The following METTL15 variants were observed in gnomAD, a reference collection of about 807,000 sequenced individuals.
METTL15 encodes 12S rRNA N(4)-cytidine methyltransferase METTL15.
Under a neutral mutation model 38.3 loss-of-function variants are expected in METTL15, and 34 were observed. The observed-to-expected ratio is 0.89, with a 90% CI of 0.68 to 1.18. The LOEUF (loss-of-function observed/expected upper bound fraction) is 1.18. Among genes scored for constraint, METTL15 ranks in the 50% most tolerant of loss-of-function variants. METTL15 has a pLI of 0.00. For missense variants in METTL15, 438 were observed against 498.4 expected (o/e 0.88, Z 1.15); for synonymous variants, 162 against 170.9 (o/e 0.95, Z 0.41).
At chr11:28,135,393 A>T (rs905511618) in intron 3 of METTL15, among the ~76,000 whole-genome samples, 9 of 152,164 alleles carry the variant, frequency 5.9e-5, no homozygotes, top group African/African-American at 1.9e-4. Flanking sequence ...TCAAATACCT[A>T]TGAGTTGGGT....
Position 28,310,878 on chromosome 11 carries a change from ATGCTGC to A in METTL15, c.778+13980_778+13985del, listed in dbSNP as rs878913369. The stretch of plus-strand genomic sequence containing the variant: ...TTTTCATCTTTAAGACCTAGCTTAA[ATGCTGC>A]TGCTGCTGCTGCTGCTGCTGCTGCT... On this transcript the variant is annotated intron_variant, in intron 6 of 6. Coordinates refer to ENST00000407364, the MANE Select transcript of METTL15 (RefSeq NM_001113528.2). 8.7e-4 allele frequency among the ~76,000 whole-genome samples: 56 copies of A among 64,712 alleles called. 1 individual carries two copies. The highest frequency in any genetic ancestry group is 6.8e-3 in the Middle Eastern group (1 of 146). 42.5% of individuals were successfully genotyped at this position (64,712 alleles called of 152,430 possible).
At chr11:28,491,767 C>A (rs763625643) in intron 6 of METTL15, among the ~76,000 whole-genome samples, 6 of 151,916 alleles carry the variant, frequency 3.9e-5, no homozygotes, top group Non-Finnish European at 5.9e-5. Context: ...ACAACAAATA[C>A]CTTTTAAATT....
At chr11:28,483,947 G>T (rs1851417437) in intron 6 of METTL15, among the ~76,000 whole-genome samples, 1 of 152,036 alleles carries the variant, frequency 6.6e-6, no homozygotes. Context: ...ATGGCATATT[G>T]ATATATATTT....
intron 3 of METTL15, among the ~76,000 whole-genome samples, chr11:28,200,614 T>C (rs1303449919): frequency 1.3e-5 from 2 of 152,148 alleles, no homozygotes; most frequent in African/African-American, 4.8e-5. Flanking sequence ...AATTTTTTTT[T>C]GTCCTTAAAA....
chr11:28,122,400 T>C (rs1052749973), intron 3 of METTL15, among the ~76,000 whole-genome samples: 6 of 150,118 alleles, frequency 4.0e-5, no homozygotes, highest in Non-Finnish European at 5.9e-5. Context: ...GTCTTTTAGG[T>C]AAATGAGGTA....
At chr11:28,235,716 T>C (rs1421642781) in intron 4 of METTL15, among the ~76,000 whole-genome samples, 1 of 152,064 alleles carries the variant, frequency 6.6e-6, no homozygotes, top group Non-Finnish European at 1.5e-5. Flanking sequence ...GCTGAGACAA[T>C]GGGGTTTTCT....
At chr11:28,153,084 A>G (rs11030230) in intron 3 of METTL15, among the ~76,000 whole-genome samples, 57,407 of 151,730 alleles carry the variant, frequency 0.38, 12,447 homozygotes, top group African/African-American at 0.59. Flanking sequence ...TTTCATGGCC[A>G]TCTTGGTTTT....
intron 3 of METTL15, among the ~76,000 whole-genome samples, chr11:28,141,967 C>A (rs1472661853): frequency 6.6e-6 from 1 of 152,138 alleles, no homozygotes; most frequent in Non-Finnish European, 1.5e-5. Flanking sequence ...GCTTGGCCTA[C>A]ACGGAGGAAT....
chr11:28,369,761 A>C (rs1232177140), intron 5 of METTL15, among the ~76,000 whole-genome samples: 2 of 152,170 alleles, frequency 1.3e-5, no homozygotes, highest in Non-Finnish European at 2.9e-5. Flanking sequence ...CATCAAAACT[A>C]GACCTGCCTT....
At chr11:28,486,968 G>A (rs928542297) in intron 6 of METTL15, among the ~76,000 whole-genome samples, 4 of 151,798 alleles carry the variant, frequency 2.6e-5, no homozygotes, top group Non-Finnish European at 4.4e-5. Flanking sequence ...CCTGCAAACC[G>A]ACCTTTAAAA....
At position 28,330,420 on chromosome 11, in the gene METTL15, A is replaced by G. The variant is rs1420666931; in HGVS notation, c.803A>G (p.Tyr268Cys). 2 of 1,547,732 alleles carry G rather than the reference A, an allele frequency of 1.3e-6. No individual in the cohort carries two copies. Among genetic ancestry groups the G allele is most frequent in the Middle Eastern group, 3.4e-4 (2 of 5,946 alleles). The change falls in exon 7 of 7, where the codon TAT becomes TGT. Residue 268 changes from tyrosine to cysteine, a missense_variant. Tyr to Cys is a radical substitution (Grantham distance 194). Coordinates refer to ENST00000407364, the MANE Select transcript of METTL15 (RefSeq NM_001113528.2). ...GGAGCATTTCCTCCCTCTGCTATTT[A>G]TACACGGAAAGACTTACTACAGCGA... The part of the protein sequence containing the change: ...VAGAFPPSAI[Y>C]TRKDLLQRST...
At chr11:28,151,052 A>T (rs1328875725) in intron 3 of METTL15, among the ~76,000 whole-genome samples, 1 of 151,516 alleles carries the variant, frequency 6.6e-6, no homozygotes, top group Non-Finnish European at 1.5e-5. Context: ...TAATAAGGAA[A>T]GTTTTCCGTG....
chr11:28,474,254 T>C (rs1851326816), intron 6 of METTL15, among the ~76,000 whole-genome samples: 1 of 151,662 alleles, frequency 6.6e-6, no homozygotes, highest in East Asian at 1.9e-4. Flanking sequence ...ATTATAAATA[T>C]TTATATCCAT....
chr11:28,109,806 T>TA (rs1411980739), intron 1 of METTL15, among the ~76,000 whole-genome samples: 10 of 152,360 alleles, frequency 6.6e-5, no homozygotes, highest in African/African-American at 2.4e-4. Flanking sequence ...AATTCAGTGT[T>TA]ACACTTGCCA....
At chr11:28,182,737 G>A (rs12225591) in intron 3 of METTL15, among the ~76,000 whole-genome samples, 4 of 151,914 alleles carry the variant, frequency 2.6e-5, no homozygotes, top group South Asian at 2.1e-4. Context: ...TTGGCTATGC[G>A]GGGTCTTATT....
chr11:28,274,056 A>G (rs923851680), intron 4 of METTL15, among the ~76,000 whole-genome samples: 3 of 152,096 alleles, frequency 2.0e-5, no homozygotes, highest in Admixed American at 6.5e-5. Flanking sequence ...TCACAGGAAT[A>G]AAACTCAGCA....
At chr11:28,117,989 T>A (rs1421567909) in intron 3 of METTL15, among the ~76,000 whole-genome samples, 1 of 152,186 alleles carries the variant, frequency 6.6e-6, no homozygotes, top group Non-Finnish European at 1.5e-5. Flanking sequence ...AATTTACAGA[T>A]GAAACTTTTT....
At chr11:28,211,322 T>C (rs11030247) in intron 4 of METTL15, 124 bp downstream of exon 4, 125,811 of 797,938 alleles carry the variant, frequency 0.16, 10,922 homozygotes, top group East Asian at 0.27. Flanking sequence ...ATTTTCTTCT[T>C]TTTTCCCCAA....
intron 3 of METTL15, among the ~76,000 whole-genome samples, chr11:28,124,926 T>C (rs879815955): frequency 4.6e-5 from 7 of 152,106 alleles, no homozygotes; most frequent in Admixed American, 4.6e-4. Flanking sequence ...GCAATACATA[T>C]GAAACCAACA....
Sources: allele counts gnomAD v4.1 joint callset (sites outside exome capture counted in the v4.1 genomes callset), GRCh38; gene constraint gnomAD v4.1.1; transcripts MANE v1.5; gene names NCBI Gene and HGNC (gene_info 2026-07-23, HGNC 2026-07-21).